The following MYO1A variants were observed in gnomAD, a reference collection of about 807,000 sequenced individuals.
MYO1A encodes the protein myosin IA, also known as unconventional myosin-Ia.
MYO1A carries 127 observed loss-of-function variants against 138.5 expected under a neutral mutation model. The observed-to-expected ratio is 0.92, with a 90% CI of 0.79 to 1.06. MYO1A has a LOEUF of 1.06. Among genes scored for constraint, MYO1A ranks in the 50% least tolerant of loss-of-function variants. MYO1A has a pLI of 0.00. For missense variants in MYO1A, 1,211 were observed against 1,288.8 expected, an observed-to-expected ratio of 0.94 and a Z score of 0.92; for synonymous variants, 477 against 497.5, an observed-to-expected ratio of 0.96 and a Z score of 0.55.
intron 22 of MYO1A, among the ~76,000 whole-genome samples, chr12:57,036,031 C>T (rs2030523779): frequency 6.6e-6 from 1 of 152,206 alleles, no homozygotes; most frequent in Non-Finnish European, 1.5e-5. Flanking sequence ...GGCTATTTGA[C>T]CATAGACCAG....
intron 22 of MYO1A, among the ~76,000 whole-genome samples, chr12:57,033,519 C>A (rs530464113): frequency 6.6e-6 from 1 of 151,958 alleles, no homozygotes; most frequent in South Asian, 2.1e-4. Context: ...ACCACACCCA[C>A]CTAATTTTTA....
upstream of MYO1A, among the ~76,000 whole-genome samples, chr12:57,050,988 G>C (rs567705967): frequency 6.6e-6 from 1 of 152,216 alleles, no homozygotes; most frequent in South Asian, 2.1e-4. Flanking sequence ...AGGATACTGA[G>C]TAAGACCCTG....
intron 22 of MYO1A, among the ~76,000 whole-genome samples, chr12:57,033,289 A>G (rs1314460000): frequency 6.6e-6 from 1 of 152,192 alleles, no homozygotes; most frequent in Non-Finnish European, 1.5e-5. Flanking sequence ...GATCCAATCA[A>G]GCTTCATCCA....
chr12:57,047,947 A>G, intron 3 of MYO1A, 42 bp downstream of exon 3: 1 of 1,593,808 alleles, frequency 6.3e-7, no homozygotes, highest in Non-Finnish European at 8.6e-7. Flanking sequence ...CAGTGTCAAG[A>G]AGCTGGGGCC....
chr12:57,030,096 AG>A (rs2030202176), intron 24 of MYO1A, 113 bp downstream of exon 24: 2 of 1,242,002 alleles, frequency 1.6e-6, no homozygotes, highest in South Asian at 2.5e-5. Flanking sequence ...AGAGACTCTG[AG>A]GAGGGACACA....
chr12:57,047,675 G>C lies in MYO1A; in HGVS notation c.277C>G (p.Arg93Gly), dbSNP rs121909305. 8 of 1,614,076 alleles carry C rather than the reference G, an allele frequency of 5.0e-6. No homozygotes were observed. The East Asian group carries it at 1.6e-4, about 31-fold the overall frequency. Reference protein sequence around the residue: ...VAYQSLRDRDRDQCILITGES... With the variant: ...VAYQSLRDRDGDQCILITGES... The stretch of plus-strand genomic sequence containing the variant: ...CCTGTGATGAGGATACACTGGTCTC[G>C]GTCCCTGTCCCTCAGTGACTGGTAC... Residue 93 changes from arginine (R) to glycine (G), a missense_variant, in exon 4 of 28, where the codon CGA becomes GGA. Coordinates refer to ENST00000300119, the MANE Select transcript of MYO1A (RefSeq NM_005379.4).
chr12:57,045,159 T>C (rs1351628805), intron 8 of MYO1A, among the ~76,000 whole-genome samples: 8 of 152,242 alleles, frequency 5.3e-5, no homozygotes, highest in Admixed American at 4.6e-4. Flanking sequence ...GTTGGGACTG[T>C]GTTTCTCATC....
chr12:57,037,165 G>A, intron 19 of MYO1A, 74 bp from the exon 20 acceptor site: 3 of 1,566,986 alleles, frequency 1.9e-6, no homozygotes, highest in Non-Finnish European at 2.6e-6. Context: ...ATACCCCACA[G>A]TACTGAGGCT....
rs772351134 is a variant in MYO1A, at chr12:57,044,195, C to G, written c.655G>C (p.Glu219Gln). 4 of 1,613,876 alleles carry G rather than the reference C, an allele frequency of 2.5e-6. No individual in the cohort carries two copies. The East Asian group carries it at 6.7e-5, about 27-fold the overall frequency. The change falls in exon 9 of 28, where the codon GAG (glutamate) becomes CAG (glutamine). Residue 219 changes from glutamate to glutamine, a missense_variant. Transcript: ENST00000300119. ...DEQLLKALKLERDTTGYAYLN... is the reference protein window; with the variant it reads ...DEQLLKALKLQRDTTGYAYLN... ...TAGGCATAGCCAGTTGTATCCCGCT[C>G]AAGCTTCAGGGCCTCTGGGAGGGCC... is the stretch of plus-strand genomic sequence containing the variant.
intron 24 of MYO1A, 150 bp from the exon 25 acceptor site, chr12:57,030,022 C>T (rs1292820602): frequency 1.0e-5 from 14 of 1,380,150 alleles, no homozygotes; most frequent in South Asian, 3.6e-5. Context: ...ACCAAGACAT[C>T]AGCACCACCT....
intron 12 of MYO1A, 33 bp from the exon 13 acceptor site, chr12:57,041,530 G>A: frequency 3.2e-6 from 5 of 1,578,556 alleles, no homozygotes; most frequent in Non-Finnish European, 4.4e-6. Flanking sequence ...TCTGAGGACA[G>A]GCCCCCTCTG....
chr12:57,031,254 A>C (rs2030272381), intron 22 of MYO1A, 80 bp from the exon 23 acceptor site: 3 of 1,556,310 alleles, frequency 1.9e-6, no homozygotes, highest in Non-Finnish European at 2.7e-6. Flanking sequence ...AGATCCTGCC[A>C]CTTCAAAGGA....
chr12:57,037,478 C>T (rs908095517), intron 19 of MYO1A, 70 bp downstream of exon 19: 1 of 1,364,890 alleles, frequency 7.3e-7, no homozygotes. Flanking sequence ...CTCCCTCCCC[C>T]TCCAGCCTTT....
rs371499543 is a variant in MYO1A at position 57,037,111 on chromosome 12, G to T, written c.2056-20C>A. ...GAAAAGCTGTGGAGAGGTGGAAGGG[G>T]GTGACAGAGAGACTGGCTCAGGGGA... On this transcript the variant is annotated intron_variant, in intron 19 of 27. Coordinates refer to ENST00000300119, the MANE Select transcript of MYO1A (RefSeq NM_005379.4). The T allele has an allele frequency of 4.6e-5, 75 of 1,613,626 alleles. No homozygotes were observed. The highest frequency in any genetic ancestry group is 5.8e-5 in the Non-Finnish European group (68 of 1,179,966).
chr12:57,043,003 T>C, intron 12 of MYO1A, 69 bp downstream of exon 12: 1 of 1,495,020 alleles, frequency 6.7e-7, no homozygotes, highest in Non-Finnish European at 9.3e-7. Flanking sequence ...AACCAAGATA[T>C]AGGGCTGGTG....
At chr12:57,043,795 C>T (rs558189934) in intron 10 of MYO1A, 61 bp downstream of exon 10, 1 of 1,609,848 alleles carries the variant, frequency 6.2e-7, no homozygotes, top group African/African-American at 1.3e-5. Context: ...GGTAGAAGGA[C>T]ACGACTTGTA....
Position 57,036,299 on chromosome 12 carries a change from C to A in MYO1A, c.2349+8G>T. ...TCCCTAACATCCACCCTAACCCCTA[C>A]CACTTACCATGCTCTTGTAGATGAA... On this transcript the variant is annotated splice_region_variant and intron_variant, in intron 22 of 27. Coordinates refer to ENST00000300119, the MANE Select transcript of MYO1A (RefSeq NM_005379.4). The A allele has an allele frequency of 1.1e-5, 17 of 1,613,422 alleles. No individual in the cohort carries two copies. The highest frequency in any genetic ancestry group is 1.4e-5 in the Non-Finnish European group (17 of 1,179,480).
chr12:57,046,071 GA>G (rs1268281688), intron 8 of MYO1A, among the ~76,000 whole-genome samples: 3 of 152,184 alleles, frequency 2.0e-5, no homozygotes. Context: ...ATGAATGAAT[GA>G]AAAGAAAATC....
intron 22 of MYO1A, among the ~76,000 whole-genome samples, chr12:57,034,661 C>A (rs2030445798): frequency 6.8e-6 from 1 of 147,272 alleles, no homozygotes; most frequent in Non-Finnish European, 1.5e-5. Flanking sequence ...GGCGAGAGAG[C>A]AAGATTCCAT....
Sources: allele counts gnomAD v4.1 joint callset (sites outside exome capture counted in the v4.1 genomes callset), GRCh38; gene constraint gnomAD v4.1.1; transcripts MANE v1.5; gene names NCBI Gene and HGNC (gene_info 2026-07-23, HGNC 2026-07-21).